Variants in LY86 observed in about 807,000 individuals in gnomAD.
The protein encoded by LY86 is lymphocyte antigen 86.
Under a neutral mutation model 17.3 loss-of-function variants are expected in LY86, and 20 were observed. That is an observed-to-expected ratio of 1.15 (90% confidence interval 0.81 to 1.68). The LOEUF (loss-of-function observed/expected upper bound fraction) is 1.68. LY86 is among the 40% of genes most tolerant of loss of function. The pLI is 0.00. For missense variants in LY86, 200 were observed against 191.9 expected (o/e 1.04, Z -0.25); for synonymous variants, 74 against 70.6 (o/e 1.05, Z -0.24).
At chr6:6,610,252 G>A (rs1365454198) in intron 1 of LY86, among the ~76,000 whole-genome samples, 1 of 152,216 alleles carries the variant, frequency 6.6e-6, no homozygotes, top group Non-Finnish European at 1.5e-5. Context: ...ACCATGAAGG[G>A]AAGTGGGTGA....
At chr6:6,603,728 C>A (rs948540928) in intron 1 of LY86, among the ~76,000 whole-genome samples, 1 of 151,818 alleles carries the variant, frequency 6.6e-6, no homozygotes, top group Non-Finnish European at 1.5e-5. Context: ...AGAACTTAGG[C>A]TTTAATGGCT....
At chr6:6,615,920 G>A (rs932440034) in intron 1 of LY86, among the ~76,000 whole-genome samples, 1 of 152,080 alleles carries the variant, frequency 6.6e-6, no homozygotes, top group African/African-American at 2.4e-5. Context: ...AACCTAGGGT[G>A]TTCTTACATT....
At chr6:6,599,971 A>T (rs970073758) in intron 1 of LY86, among the ~76,000 whole-genome samples, 21 of 148,950 alleles carry the variant, frequency 1.4e-4, no homozygotes, top group African/African-American at 5.0e-4. Context: ...GCACACCCAC[A>T]TCCCCAAAGC....
intron 1 of LY86, among the ~76,000 whole-genome samples, chr6:6,606,713 C>G (rs907358176): frequency 9.2e-5 from 14 of 152,226 alleles, no homozygotes; most frequent in African/African-American, 3.4e-4. Flanking sequence ...GGCGGACCTG[C>G]AGCACTTGCG....
At chr6:6,604,392 G>T (rs559414372) in intron 1 of LY86, among the ~76,000 whole-genome samples, 1 of 151,932 alleles carries the variant, frequency 6.6e-6, no homozygotes, top group South Asian at 2.1e-4. Context: ...TAATCAGGGA[G>T]GTTTGAAAAT....
intron 1 of LY86, among the ~76,000 whole-genome samples, chr6:6,604,022 G>A (rs570366417): frequency 2.6e-5 from 4 of 152,240 alleles, no homozygotes; most frequent in African/African-American, 7.2e-5. Context: ...GGCCCCAAAT[G>A]TATATACTAC....
chr6:6,605,575 C>G (rs1047787507), intron 1 of LY86, among the ~76,000 whole-genome samples: 2 of 152,256 alleles, frequency 1.3e-5, no homozygotes, highest in African/African-American at 4.8e-5. Context: ...TGGGAGAAAG[C>G]GCATGACAGC....
chr6:6,605,069 A>G (rs1477536472), intron 1 of LY86, among the ~76,000 whole-genome samples: 1 of 150,950 alleles, frequency 6.6e-6, no homozygotes, highest in East Asian at 2.0e-4. Flanking sequence ...CGAGACTCTC[A>G]CTAAAAGAAC....
intron 1 of LY86, among the ~76,000 whole-genome samples, chr6:6,603,605 G>GAA (rs1180805376): frequency 9.5e-6 from 1 of 104,998 alleles, no homozygotes; most frequent in African/African-American, 3.7e-5. Context: ...AACAGAAACA[G>GAA]AAAAAAAAAC....
intron 1 of LY86, among the ~76,000 whole-genome samples, chr6:6,606,404 C>T (rs1018614768): frequency 1.6e-4 from 25 of 152,226 alleles, no homozygotes; most frequent in African/African-American, 6.0e-4. Context: ...TCCCAGCTGG[C>T]TTCACCCACT....
At chr6:6,609,135 A>G (rs1045635729) in intron 1 of LY86, among the ~76,000 whole-genome samples, 4 of 152,090 alleles carry the variant, frequency 2.6e-5, no homozygotes, top group South Asian at 2.1e-4. Context: ...TTTATTGTTC[A>G]TGGCCCCGGG....
At position 6,602,376 on chromosome 6, in the gene LY86, T is replaced by C. The variant is rs150827315; in HGVS notation, c.136+13506T>C. Among the ~76,000 whole-genome samples, 393 of 152,268 alleles carry C rather than the reference T, an allele frequency of 2.6e-3. 1 individual carries two copies. Among genetic ancestry groups the C allele is most frequent in the Non-Finnish European group, 3.7e-3 (250 of 68,018 alleles). On this transcript the variant is annotated intron_variant, in intron 1 of 4. Coordinates refer to ENST00000230568, the MANE Select transcript of LY86 (RefSeq NM_004271.4). ...GATACCCACAAACACCACTAAAACA[T>C]GCATTTCCAAAAGACAGCCGAAGGC... is the stretch of plus-strand genomic sequence containing the variant.
intron 1 of LY86, among the ~76,000 whole-genome samples, chr6:6,603,389 A>G (rs1760975162): frequency 6.6e-6 from 1 of 151,874 alleles, no homozygotes; most frequent in South Asian, 2.1e-4. Context: ...CCACACATCT[A>G]AGGAAACTGT....
chr6:6,639,262 C>T (rs1334284829), intron 3 of LY86, among the ~76,000 whole-genome samples: 1 of 152,180 alleles, frequency 6.6e-6, no homozygotes, highest in Non-Finnish European at 1.5e-5. Flanking sequence ...TTCTCTTCTG[C>T]TCAAATCCTA....
At chr6:6,589,662 T>C (rs1760465205) in intron 1 of LY86, among the ~76,000 whole-genome samples, 1 of 152,190 alleles carries the variant, frequency 6.6e-6, no homozygotes, top group Non-Finnish European at 1.5e-5. Flanking sequence ...TGGTTTCTCC[T>C]GAGACCTCTC....
At chr6:6,619,893 G>A (rs1761635568) in intron 1 of LY86, among the ~76,000 whole-genome samples, 1 of 152,062 alleles carries the variant, frequency 6.6e-6, no homozygotes, top group South Asian at 2.1e-4. Context: ...GAGAGAAGAG[G>A]AGAGCTAGGA....
chr6:6,617,160 A>G (rs1761573883), intron 1 of LY86, among the ~76,000 whole-genome samples: 1 of 152,224 alleles, frequency 6.6e-6, no homozygotes, highest in Non-Finnish European at 1.5e-5. Context: ...AGTTCCCCTG[A>G]TGCTTCTAGA....
chr6:6,618,525 C>T (rs1761605508), intron 1 of LY86, among the ~76,000 whole-genome samples: 1 of 152,044 alleles, frequency 6.6e-6, no homozygotes. Context: ...AACATATTCA[C>T]CAAGGTTGCC....
chr6:6,594,685 G>A (rs544461127), intron 1 of LY86, among the ~76,000 whole-genome samples: 2 of 152,248 alleles, frequency 1.3e-5, no homozygotes, highest in South Asian at 4.2e-4. Flanking sequence ...CACCATGATT[G>A]CAAGGTATTT....
Sources: gnomAD v4.1 joint callset for allele counts (sites outside exome capture counted in the v4.1 genomes callset) on GRCh38, gnomAD v4.1.1 for gene constraint, MANE v1.5 for transcripts, NCBI Gene and HGNC (gene_info 2026-07-23, HGNC 2026-07-21) for gene names.